Variants in PKLR observed in about 807,000 individuals in gnomAD.
PKLR encodes the protein pyruvate kinase PKLR.
A neutral mutation model predicts 53.6 loss-of-function variants in PKLR; 38 were observed. The ratio of observed to expected loss-of-function variants is 0.71; its 90% CI spans 0.55 to 0.93. The LOEUF (loss-of-function observed/expected upper bound fraction) is 0.93, where lower values mean the gene tolerates loss of function less well. Among genes scored for constraint, PKLR ranks in the 40% least tolerant of loss-of-function variants. The probability of loss-of-function intolerance (pLI) is 0.00; values close to 1 mark genes in which losing one functional copy is unlikely to be tolerated. For missense variants in PKLR, 702 were observed against 787.3 expected (o/e 0.89, Z 1.30); for synonymous variants, 328 against 316.2 (o/e 1.04, Z -0.39).
Position 155,291,349 on chromosome 1 carries a change from A to T in PKLR, c.1618+407T>A, listed in dbSNP as rs552207116. On this transcript the variant is annotated intron_variant, in intron 10 of 10. Transcript: ENST00000342741. ...TGTCTCTACTAAAAATACAAAAATT[A>T]TCCAGGCGTGGTGGCGCATGCCTGT... 3.9e-5 allele frequency among the ~76,000 whole-genome samples: 6 copies of T among 152,000 alleles called. No individual in the cohort carries two copies. In the South Asian group the frequency reaches 1.2e-3, roughly 32 times the overall value.
At chr1:155,302,687 T>C (rs955683204), upstream of PKLR, among the ~76,000 whole-genome samples, 9 of 151,870 alleles carry the variant, frequency 5.9e-5, no homozygotes, top group African/African-American at 1.7e-4. Context: ...TTCTTTCTTT[T>C]TTTTTTAAAG....
At chr1:155,301,479 A>G, upstream of PKLR, 1 of 1,603,060 alleles carries the variant, frequency 6.2e-7, no homozygotes, top group South Asian at 1.1e-5. Context: ...TAAGGGAGAC[A>G]GAGAAGAGAA....
chr1:155,305,610 A>G (rs1024028856), upstream of PKLR, among the ~76,000 whole-genome samples: 1 of 152,136 alleles, frequency 6.6e-6, no homozygotes, highest in African/African-American at 2.4e-5. Flanking sequence ...TGGCAGAGAC[A>G]TGGGACTTTA....
chr1:155,295,405 C>T lies in PKLR; in HGVS notation c.507+32G>A, dbSNP rs1486826071. ...CCCTACAGGCGCCGCCTTTCCGGCC[C>T]TGGCCCAGCGAGTCCCAGCCCCACT... On this transcript the variant is annotated intron_variant, in intron 4 of 10. Coordinates refer to ENST00000342741, the MANE Select transcript of PKLR (RefSeq NM_000298.6). This position sits in a 1 kb window ranked among gnomAD's most constrained non-coding sequence, Gnocchi z 4.3. 3 of 1,612,194 alleles carry T rather than the reference C, an allele frequency of 1.9e-6. No individual in the cohort carries two copies. The highest frequency in any genetic ancestry group is 2.5e-6 in the Non-Finnish European group (3 of 1,179,216).
At chr1:155,307,451 G>T in the PKLR span, among the ~76,000 whole-genome samples, 1 of 152,204 alleles carries the variant, frequency 6.6e-6, no homozygotes, top group African/African-American at 2.4e-5. Flanking sequence ...CTAAGTCACA[G>T]GATGAGATAG....
At chr1:155,300,899 C>A (rs761224118) in intron 1 of PKLR, 2 of 1,610,456 alleles carry the variant, frequency 1.2e-6, no homozygotes, top group Non-Finnish European at 1.7e-6. Context: ...CCACTGCACA[C>A]CTCTCTGGGT....
At chr1:155,299,049 T>TTTCCTTCC (rs71077995) in intron 2 of PKLR, among the ~76,000 whole-genome samples, 2 of 130,506 alleles carry the variant, frequency 1.5e-5, no homozygotes, top group Non-Finnish European at 3.3e-5. Flanking sequence ...TCTTTCTTTC[T>TTTCCTTCC]TTCCTTCCTT....
At chr1:155,296,579 A>G (rs1647611813) in intron 2 of PKLR, among the ~76,000 whole-genome samples, 1 of 152,080 alleles carries the variant, frequency 6.6e-6, no homozygotes, top group African/African-American at 2.4e-5. Flanking sequence ...TCTTGACCTC[A>G]GGTGATCCAT....
chr1:155,289,830 T>G lies in PKLR; in HGVS notation c.*742A>C, dbSNP rs980602610. ...TTGCTTCCAAACAGCTGGGTTTAAA[T>G]ATAAAATAGACACACTCATTTTTGG... On this transcript the variant is annotated 3_prime_UTR_variant, in exon 11 of 11. Coordinates refer to ENST00000342741, the MANE Select transcript of PKLR (RefSeq NM_000298.6). The G allele has an allele frequency of 1.3e-5, 2 of 152,328 alleles. No homozygotes were observed. The highest frequency in any genetic ancestry group is 4.8e-5 in the African/African-American group (2 of 41,394). The allele number at this position is 152,328 out of a possible 1,614,324, so 9.4% of individuals were successfully genotyped here.
rs1557963452 is a variant in PKLR at position 155,299,031 on chromosome 1, TTTCTCTTTCTTTCTTTCTTTCC to T, written c.283+1045_283+1066del. On this transcript the variant is annotated intron_variant, in intron 2 of 10. Transcript: ENST00000342741. Reference sequence around the variant, plus strand: ...CTTTCTTTCTTTCTTTCTTTCTTTCTTTCTCTTTCTTTCTTTCTTTCCTTCCTTCCTTCCTTCCTTCTTTCTT... The same window carrying T: ...CTTTCTTTCTTTCTTTCTTTCTTTCTTTCCTTCCTTCCTTCCTTCTTTCTT... 8.0e-4 allele frequency among the ~76,000 whole-genome samples: 50 copies of T among 62,766 alleles called. No homozygotes were observed. The South Asian group carries it at 8.2e-3, about 10-fold the overall frequency. 41.2% of individuals were successfully genotyped at this position (62,766 alleles called of 152,430 possible).
At chr1:155,291,356 C>T (rs1454387949) in intron 10 of PKLR, among the ~76,000 whole-genome samples, 1 of 150,616 alleles carries the variant, frequency 6.6e-6, no homozygotes, top group Non-Finnish European at 1.5e-5. Context: ...ATTATCCAGG[C>T]GTGGTGGCGC....
At position 155,295,373 on chromosome 1, in the gene PKLR, G is replaced by T; in HGVS notation, c.507+64C>A. On this transcript the variant is annotated intron_variant, in intron 4 of 10. Transcript: ENST00000342741. This position sits in a 1 kb window ranked among gnomAD's most constrained non-coding sequence, Gnocchi z 4.3. ...CGGGACCCGCCCCTGCCCACGCCTG[G>T]GCCCAACCCTACAGGCGCCGCCTTT... 6.2e-7 allele frequency: 1 copy of T among 1,612,866 alleles called. No homozygotes were observed. Among genetic ancestry groups the T allele is most frequent in the Non-Finnish European group, 8.5e-7 (1 of 1,179,428 alleles).
rs1181564901 is a variant in PKLR, at chr1:155,293,537, ATC to A, written c.1168_1169del (p.Asp390CysfsTer10). ...KPRPTRAETSDVANAVLDGAD... is the reference protein window; with the variant it reads ...KPRPTRAETSXVANAVLDGAD... ...CCCCATCCAGCACAGCATTGGCGAC[ATC>A]GCTTGTCTCTGCCCTCGTTGGCCGG... On this transcript the variant is annotated frameshift_variant, in exon 8 of 11. Coordinates refer to ENST00000342741, the MANE Select transcript of PKLR (RefSeq NM_000298.6). LOFTEE classifies it high-confidence loss of function. This position sits in a 1 kb window ranked among gnomAD's most constrained non-coding sequence, Gnocchi z 4.2. 3.7e-6 allele frequency: 6 copies of A among 1,614,106 alleles called. No homozygotes were observed. In the African/African-American group the frequency reaches 8.0e-5, roughly 22 times the overall value.
rs1026701670 is a variant in PKLR at position 155,291,740 on chromosome 1, G to T, written c.1618+16C>A. The T allele has an allele frequency of 3.1e-6, 5 of 1,611,826 alleles. No homozygotes were observed. Among genetic ancestry groups the T allele is most frequent in the Non-Finnish European group, 4.2e-6 (5 of 1,178,050 alleles). ...TACAAATGGTAGGAGTGGCAGGGAA[G>T]GTCTAGGTAGCTCACCACTTTCAAT... On this transcript the variant is annotated intron_variant, in intron 10 of 10. Transcript: ENST00000342741.
At chr1:155,300,428 C>G in intron 1 of PKLR, 148 bp from the exon 2 acceptor site, 1 of 670,386 alleles carries the variant, frequency 1.5e-6, no homozygotes, top group Non-Finnish European at 2.6e-6. Flanking sequence ...TCCTATAAAG[C>G]AGGTACTGTT....
intron 2 of PKLR, among the ~76,000 whole-genome samples, chr1:155,297,746 C>G (rs1338585560): frequency 6.6e-6 from 1 of 152,136 alleles, no homozygotes; most frequent in Admixed American, 6.5e-5. Flanking sequence ...CCTGATCTTC[C>G]TGTCCGTACA....
At chr1:155,303,888 G>C (rs544675412), upstream of PKLR, among the ~76,000 whole-genome samples, 6 of 152,234 alleles carry the variant, frequency 3.9e-5, no homozygotes, top group African/African-American at 1.4e-4. Flanking sequence ...GGAACCGGTG[G>C]GGGCAAATGG....
chr1:155,302,227 CT>C (rs1425484418), upstream of PKLR, among the ~76,000 whole-genome samples: 2 of 136,168 alleles, frequency 1.5e-5, no homozygotes, highest in African/African-American at 5.6e-5. Context: ...TTTCTTTTTT[CT>C]TTTCTTTTCT....
rs767598564 is a variant in PKLR at position 155,295,666 on chromosome 1, T to G, written c.374A>C (p.Glu125Ala). ...ARLNFSHGSH[E>A]YHAESIANVR... Reference sequence around the variant, plus strand: ...ACTGCCCGGCGGCCCGTCCCGCACCTCGTGGGAGCCGTGGGAGAAGTTGAG... The same window carrying G: ...ACTGCCCGGCGGCCCGTCCCGCACCGCGTGGGAGCCGTGGGAGAAGTTGAG... Residue 125 changes from glutamate to alanine, a missense_variant and splice_region_variant, in exon 3 of 11, where the codon GAG becomes GCG. By Grantham distance (107) the Glu-to-Ala change is moderately radical (BLOSUM62 -1). Transcript: ENST00000342741. The surrounding 1 kb of genome is among the most constrained non-coding windows in gnomAD (Gnocchi z 4.3). 2.4e-5 allele frequency: 38 copies of G among 1,614,064 alleles called. No individual in the cohort carries two copies. Among genetic ancestry groups the G allele is most frequent in the Non-Finnish European group, 3.0e-5 (35 of 1,179,964 alleles).
Sources: gnomAD v4.1 joint callset for allele counts (sites outside exome capture counted in the v4.1 genomes callset) on GRCh38, gnomAD v4.1.1 for gene constraint, Gnocchi (gnomAD v3.1) non-coding constraint, MANE v1.5 for transcripts, NCBI Gene and HGNC (gene_info 2026-07-23, HGNC 2026-07-21) for gene names.